YES1: variants seen among roughly 807,000 people sequenced by gnomAD.
YES1 encodes tyrosine-protein kinase Yes.
Under a neutral mutation model 70.4 loss-of-function variants are expected in YES1, and 39 were observed. The observed-to-expected ratio is 0.55, with a 90% CI of 0.43 to 0.72. The LOEUF (loss-of-function observed/expected upper bound fraction) is 0.72. Among genes scored for constraint, YES1 ranks in the 30% least tolerant of loss-of-function variants. YES1 has a pLI of 0.00. For missense variants in YES1, 495 were observed against 644.8 expected, an observed-to-expected ratio of 0.77 and a Z score of 2.52; for synonymous variants, 198 against 218.6, an observed-to-expected ratio of 0.91 and a Z score of 0.83.
At chr18:802,652 C>T (rs907386208) in intron 1 of YES1, among the ~76,000 whole-genome samples, 1 of 152,124 alleles carries the variant, frequency 6.6e-6, no homozygotes, top group African/African-American at 2.4e-5. Flanking sequence ...ATCATTGCTC[C>T]TCATTCCTAA....
At chr18:797,752 G>A (rs1201338326) in intron 1 of YES1, among the ~76,000 whole-genome samples, 2 of 152,062 alleles carry the variant, frequency 1.3e-5, no homozygotes, top group South Asian at 2.1e-4. Flanking sequence ...ATTTATTAAC[G>A]TTCACCTTTT....
At chr18:741,467 TG>T (rs947647533) in intron 8 of YES1, among the ~76,000 whole-genome samples, 4 of 152,096 alleles carry the variant, frequency 2.6e-5, no homozygotes, top group Non-Finnish European at 2.9e-5. Context: ...CCACCATGCC[TG>T]GCCCTCCCTT....
At chr18:762,952 G>A (rs1204338135) in intron 1 of YES1, among the ~76,000 whole-genome samples, 1 of 152,164 alleles carries the variant, frequency 6.6e-6, no homozygotes, top group Non-Finnish European at 1.5e-5. Flanking sequence ...TACAACAAAT[G>A]TTATCAGCTC....
chr18:807,477 C>A (rs553526339), intron 1 of YES1, among the ~76,000 whole-genome samples: 2 of 152,268 alleles, frequency 1.3e-5, no homozygotes, highest in East Asian at 1.9e-4. Context: ...CCAGTCTGGG[C>A]AACAGAGCAA....
intron 1 of YES1, among the ~76,000 whole-genome samples, chr18:800,613 C>T (rs1383119631): frequency 6.6e-6 from 1 of 152,042 alleles, no homozygotes; most frequent in African/African-American, 2.4e-5. Context: ...TAAAAGGAAG[C>T]CAAAGAAGAA....
chr18:734,734 C>T (rs2080132168), intron 10 of YES1, among the ~76,000 whole-genome samples: 1 of 150,826 alleles, frequency 6.6e-6, no homozygotes, highest in South Asian at 2.1e-4. Context: ...GAAAAGGGAA[C>T]ATTTTTCCAC....
At chr18:799,991 G>C (rs1240667509) in intron 1 of YES1, among the ~76,000 whole-genome samples, 1 of 152,112 alleles carries the variant, frequency 6.6e-6, no homozygotes, top group Non-Finnish European at 1.5e-5. Flanking sequence ...ATTGTAAGTG[G>C]GTGAATATGC....
intron 1 of YES1, among the ~76,000 whole-genome samples, chr18:766,538 A>T (rs894350540): frequency 6.6e-6 from 1 of 151,720 alleles, no homozygotes; most frequent in African/African-American, 2.4e-5. Flanking sequence ...AGTTAGGAAT[A>T]CTTCCATAAA....
intron 1 of YES1, among the ~76,000 whole-genome samples, chr18:772,401 C>T (rs545026961): frequency 2.6e-5 from 4 of 151,994 alleles, no homozygotes; most frequent in African/African-American, 9.7e-5. Flanking sequence ...TTATCGCTTC[C>T]CTACCATAAT....
At chr18:725,349 AT>A (rs774219905) in intron 11 of YES1, among the ~76,000 whole-genome samples, 4 of 152,150 alleles carry the variant, frequency 2.6e-5, no homozygotes, top group Non-Finnish European at 5.9e-5. Context: ...CATCCCTTGT[AT>A]CTCTTGGAAA....
chr18:800,471 T>C (rs569824972), intron 1 of YES1, among the ~76,000 whole-genome samples: 21 of 152,312 alleles, frequency 1.4e-4, no homozygotes, highest in Non-Finnish European at 2.8e-4. Flanking sequence ...AGAGTTAACA[T>C]GTGAAGGAGT....
At chr18:799,090 T>C (rs1194734214) in intron 1 of YES1, among the ~76,000 whole-genome samples, 1 of 152,224 alleles carries the variant, frequency 6.6e-6, no homozygotes, top group East Asian at 1.9e-4. Flanking sequence ...GTTTGCTTTA[T>C]ACCAATACTG....
intron 1 of YES1, among the ~76,000 whole-genome samples, chr18:783,414 G>GA (rs1202118384): frequency 4.7e-5 from 7 of 150,164 alleles, no homozygotes; most frequent in Non-Finnish European, 8.9e-5. Context: ...CACACACACG[G>GA]AAAAAATAAT....
intron 1 of YES1, among the ~76,000 whole-genome samples, chr18:806,572 A>G (rs537322857): frequency 4.6e-5 from 7 of 152,330 alleles, no homozygotes; most frequent in African/African-American, 1.7e-4. Flanking sequence ...ACAATTCAGA[A>G]TTTATTTAGT....
chr18:801,348 A>T (rs1032078119), intron 1 of YES1, among the ~76,000 whole-genome samples: 1 of 152,056 alleles, frequency 6.6e-6, no homozygotes, highest in South Asian at 2.1e-4. Context: ...AATGATTTAC[A>T]TGAACAAACT....
intron 1 of YES1, among the ~76,000 whole-genome samples, chr18:785,153 CTTT>C (rs5822579): frequency 2.0e-5 from 3 of 148,060 alleles, no homozygotes; most frequent in African/African-American, 4.9e-5. Context: ...ATGCACAGAC[CTTT>C]TTTTTTTTTT....
chr18:770,173 T>A (rs957046274), intron 1 of YES1, among the ~76,000 whole-genome samples: 1 of 152,052 alleles, frequency 6.6e-6, no homozygotes, highest in Non-Finnish European at 1.5e-5. Context: ...TTAGCCAGGA[T>A]TGTCTTGATC....
At position 785,585 on chromosome 18, in the gene YES1, A is replaced by C. The variant is rs567519218; in HGVS notation, c.-9+26529T>G. Among the ~76,000 whole-genome samples the C allele has an allele frequency of 1.3e-4, 20 of 152,246 alleles. 1 individual carries two copies. Among genetic ancestry groups the C allele is most frequent in the South Asian group, 1.0e-3 (5 of 4,820 alleles). ...ACTCTATGCTATGGTTTGAATATGCACCCAAAGTTCACGTGTTGGAAGCTT... is the reference window on the plus strand; with the variant it reads ...ACTCTATGCTATGGTTTGAATATGCCCCCAAAGTTCACGTGTTGGAAGCTT... On this transcript the variant is annotated intron_variant, in intron 1 of 11. Coordinates refer to ENST00000314574, the MANE Select transcript of YES1 (RefSeq NM_005433.4).
chr18:797,911 C>T (rs1906623045), intron 1 of YES1: 1 of 152,248 alleles, frequency 6.6e-6, no homozygotes, highest in East Asian at 1.9e-4. Flanking sequence ...TGTAAAGCTA[C>T]ATGCCTCTAT....
Sources: gnomAD v4.1 joint callset for allele counts (sites outside exome capture counted in the v4.1 genomes callset) on GRCh38, gnomAD v4.1.1 for gene constraint, MANE v1.5 for transcripts, NCBI Gene and HGNC (gene_info 2026-07-23, HGNC 2026-07-21) for gene names.